Variants in GABBR1 observed in about 807,000 individuals in gnomAD.
GABBR1 encodes the protein GABA-B receptor, R1 subunit.
A neutral mutation model predicts 117.7 loss-of-function variants in GABBR1; 35 were observed. The ratio of observed to expected loss-of-function variants is 0.30; its 90% CI spans 0.23 to 0.39. The LOEUF (loss-of-function observed/expected upper bound fraction) is 0.39. Among genes scored for constraint, GABBR1 ranks in the 10% least tolerant of loss-of-function variants. GABBR1 has a pLI of 1.00. For synonymous variants in GABBR1, 442 were observed against 486.6 expected (o/e 0.91, Z 1.21); for missense variants, 709 against 1,241.8 (o/e 0.57, Z 6.45).
At position 29,632,753 on chromosome 6, in the gene GABBR1, C is replaced by T. The variant is rs1041971736; in HGVS notation, c.-1+97G>A. The T allele has an allele frequency of 3.0e-5, 36 of 1,193,332 alleles. No individual in the cohort carries two copies. The African/African-American group carries it at 5.4e-4, about 18-fold the overall frequency. 73.9% of individuals were successfully genotyped at this position (1,193,332 alleles called of 1,614,324 possible). On this transcript the variant is annotated intron_variant, in intron 1 of 22. Coordinates refer to ENST00000377034, the MANE Select transcript of GABBR1 (RefSeq NM_001470.4). The surrounding 1 kb of genome is among the most constrained non-coding windows in gnomAD (Gnocchi z 5.8). ...CGCGGTTCCTCCTCTCCCCCAGCCC[C>T]GCTTCCCCCAGCTGGGCCCTGCGCC...
Position 29,620,076 on chromosome 6 carries a change from G to A in GABBR1, c.1323+1025C>T, listed in dbSNP as rs1582994199. Reference sequence around the variant, plus strand: ...GGCTTCATGGTTTTCCATGGGAAGTGATGAGCAGAGCAGTTTGGAGCCAGA... The same window carrying A: ...GGCTTCATGGTTTTCCATGGGAAGTAATGAGCAGAGCAGTTTGGAGCCAGA... On this transcript the variant is annotated intron_variant, in intron 11 of 22. Transcript: ENST00000377034. This position sits in a 1 kb window ranked among gnomAD's most constrained non-coding sequence, Gnocchi z 4.5. Among the ~76,000 whole-genome samples the A allele has an allele frequency of 6.6e-6, 1 of 152,204 alleles. No homozygotes were observed. The highest frequency in any genetic ancestry group is 2.4e-5 in the African/African-American group (1 of 41,434).
In GABBR1 at chr6:29,611,834, T is replaced by A. The variant is rs868292280; in HGVS notation, c.1630+717A>T. 1.3e-5 allele frequency among the ~76,000 whole-genome samples: 2 copies of A among 150,696 alleles called. No individual in the cohort carries two copies. Among genetic ancestry groups the A allele is most frequent in the Non-Finnish European group, 3.0e-5 (2 of 67,614 alleles). ...ATTGAAGCTTTACACAGCAAGGAAA[T>A]TTGGCAGATTCCCTTAAAAAAAAAA... On this transcript the variant is annotated intron_variant, in intron 13 of 22. Transcript: ENST00000377034. This position sits in a 1 kb window ranked among gnomAD's most constrained non-coding sequence, Gnocchi z 4.6.
At position 29,611,093 on chromosome 6, in the gene GABBR1, G is replaced by T; in HGVS notation, c.1631-92C>A. ...TTCCCACTTCCCTAGAGCTTTGCAT[G>T]GTTGTATCTGATTTTATTTTCACCT... On this transcript the variant is annotated intron_variant, in intron 13 of 22. Transcript: ENST00000377034. The surrounding 1 kb of genome is among the most constrained non-coding windows in gnomAD (Gnocchi z 4.6). 1 of 978,248 alleles carries T rather than the reference G, an allele frequency of 1.0e-6. No homozygotes were observed. The highest frequency in any genetic ancestry group is 1.6e-6 in the Non-Finnish European group (1 of 624,468). 60.6% of individuals were successfully genotyped at this position (978,248 alleles called of 1,614,324 possible).
chr6:29,615,608 T>TAAA lies in GABBR1; in HGVS notation c.1324-2124_1324-2123insTTT, dbSNP rs767969781. Among the ~76,000 whole-genome samples the TAAA allele has an allele frequency of 5.6e-4, 71 of 127,034 alleles. 1 individual carries two copies. Among genetic ancestry groups the TAAA allele is most frequent in the Middle Eastern group, 4.9e-3 (1 of 204 alleles). 83.3% of individuals were successfully genotyped at this position (127,034 alleles called of 152,430 possible). ...TGGGCGATGGAGTGAGACTCTGCCT[T>TAAA]TAAAAAAAAAAAAAAAAAAAGGCAG... On this transcript the variant is annotated intron_variant, in intron 11 of 22. Coordinates refer to ENST00000377034, the MANE Select transcript of GABBR1 (RefSeq NM_001470.4).
rs1762483343 is a variant in GABBR1, at chr6:29,610,985, C to T, written c.1647G>A (p.Lys549=). 4.3e-6 allele frequency: 7 copies of T among 1,612,862 alleles called. No individual in the cohort carries two copies. The highest frequency in any genetic ancestry group is 1.3e-5 in the African/African-American group (1 of 74,930). Residue 549 remains lysine (K), a synonymous_variant, in exon 14 of 23, where the codon AAG becomes AAA. Coordinates refer to ENST00000377034, the MANE Select transcript of GABBR1 (RefSeq NM_001470.4). Reference sequence around the variant, plus strand: ...CCTTGGTGCTGTCATAGTAGCCAATCTTCTTGTAGCTGCCACCTGGGCAGA... The same window carrying T: ...CCTTGGTGCTGTCATAGTAGCCAATTTTCTTGTAGCTGCCACCTGGGCAGA... ...IEQLQGGSYK[K]IGYYDSTKDD...
At chr6:29,617,832 A>G (rs1216635040) in intron 11 of GABBR1, among the ~76,000 whole-genome samples, 2 of 152,204 alleles carry the variant, frequency 1.3e-5, no homozygotes, top group African/African-American at 4.8e-5. Flanking sequence ...TGATGATGAT[A>G]ATGATAACGA....
chr6:29,606,569 G>C lies in GABBR1; in HGVS notation c.2218-85C>G. 1.1e-6 allele frequency: 1 copy of C among 948,172 alleles called. No homozygotes were observed. The highest frequency in any genetic ancestry group is 2.4e-5 in the East Asian group (1 of 41,914). 58.7% of individuals were successfully genotyped at this position (948,172 alleles called of 1,614,324 possible). The stretch of plus-strand genomic sequence containing the variant: ...GCTTCTCAGTCTCTGGCTTCCAACT[G>C]TTTTCCTATGAGACCCTCAATGCTG... On this transcript the variant is annotated intron_variant, in intron 18 of 22. Transcript: ENST00000377034. The surrounding 1 kb of genome is among the most constrained non-coding windows in gnomAD (Gnocchi z 4.5).
Position 29,609,582 on chromosome 6 carries a change from A to C in GABBR1, c.1709-203T>G, listed in dbSNP as rs1762326139. Among the ~76,000 whole-genome samples the C allele has an allele frequency of 6.6e-6, 1 of 152,346 alleles. No homozygotes were observed. Among genetic ancestry groups the C allele is most frequent in the African/African-American group, 2.4e-5 (1 of 41,570 alleles). ...AGTGCCACTGGGGCCGTTAGGAAGC[A>C]ACCAGAAATGAGATGAGAAGATGGA... is the stretch of plus-strand genomic sequence containing the variant. On this transcript the variant is annotated intron_variant, in intron 14 of 22. Coordinates refer to ENST00000377034, the MANE Select transcript of GABBR1 (RefSeq NM_001470.4). The surrounding 1 kb of genome is among the most constrained non-coding windows in gnomAD (Gnocchi z 4.3).
At position 29,607,263 on chromosome 6, in the gene GABBR1, G is replaced by T; in HGVS notation, c.1993-45C>A. ...ACAGGCAGAACAGGGTAGAGTAGTA[G>T]CCGGGACTGCAGTAAGGATGGGCAG... On this transcript the variant is annotated intron_variant, in intron 16 of 22. Coordinates refer to ENST00000377034, the MANE Select transcript of GABBR1 (RefSeq NM_001470.4). This position sits in a 1 kb window ranked among gnomAD's most constrained non-coding sequence, Gnocchi z 5.0. 1 of 1,478,520 alleles carries T rather than the reference G, an allele frequency of 6.8e-7. No homozygotes were observed. 91.6% of individuals were successfully genotyped at this position (1,478,520 alleles called of 1,614,324 possible). A position where few individuals can be genotyped will look rare whatever the true frequency, so the allele number is the denominator to read the frequency against.
At position 29,602,579 on chromosome 6, in the gene GABBR1, T is replaced by A. The variant is rs1761476760; in HGVS notation, c.*964A>T. On this transcript the variant is annotated 3_prime_UTR_variant, in exon 23 of 23. Transcript: ENST00000377034. Reference sequence around the variant, plus strand: ...TTCTGTGACAAGGAGAGGGTGTGGATGGCCCCACCAAACATGAATTGGGGA... The same window carrying A: ...TTCTGTGACAAGGAGAGGGTGTGGAAGGCCCCACCAAACATGAATTGGGGA... 5.5e-6 allele frequency: 1 copy of A among 182,994 alleles called. No individual in the cohort carries two copies. 11.3% of individuals were successfully genotyped at this position (182,994 alleles called of 1,614,324 possible). A position where few individuals can be genotyped will look rare whatever the true frequency, so the allele number is the denominator to read the frequency against.
Position 29,631,479 on chromosome 6 carries a change from C to G in GABBR1, c.206G>C (p.Gly69Ala), listed in dbSNP as rs1336754838. 2 of 1,614,124 alleles carry G rather than the reference C, an allele frequency of 1.2e-6. No homozygotes were observed. Among genetic ancestry groups the G allele is most frequent in the African/African-American group, 2.7e-5 (2 of 74,932 alleles). ...VDYEIEYVCR[G>A]EREVVGPKVR... is the part of the protein sequence containing the mutation. ...CTTGGGCCCCACCACCTCGCGCTCC[C>G]CCCGGCACACATACTCAATCTCATA... is the stretch of plus-strand genomic sequence containing the variant. The change falls in exon 3 of 23, where the codon GGG becomes GCG. Residue 69 changes from glycine to alanine, a missense_variant. Coordinates refer to ENST00000377034, the MANE Select transcript of GABBR1 (RefSeq NM_001470.4). The surrounding 1 kb of genome is among the most constrained non-coding windows in gnomAD (Gnocchi z 5.9).
intron 11 of GABBR1, among the ~76,000 whole-genome samples, chr6:29,619,189 T>C (rs1180453116): frequency 6.6e-6 from 1 of 152,224 alleles, no homozygotes; most frequent in African/African-American, 2.4e-5. Flanking sequence ...CATAAGGCCA[T>C]CCTTAGGGAA....
In GABBR1 at chr6:29,607,363, C is replaced by T. The variant is rs1582954297; in HGVS notation, c.1993-145G>A. On this transcript the variant is annotated intron_variant, in intron 16 of 22. Transcript: ENST00000377034. The surrounding 1 kb of genome is among the most constrained non-coding windows in gnomAD (Gnocchi z 5.0). The stretch of plus-strand genomic sequence containing the variant: ...CACAGGGAGGATGCGAAAATGTGAG[C>T]AGGACGGGGAGCGGCAGGAGGAGAG... 3 of 671,326 alleles carry T rather than the reference C, an allele frequency of 4.5e-6. No homozygotes were observed. Among genetic ancestry groups the T allele is most frequent in the East Asian group, 5.4e-5 (2 of 37,376 alleles). The allele number at this position is 671,326 out of a possible 1,614,324, so 41.6% of individuals were successfully genotyped here.
In GABBR1 at chr6:29,609,445, A is replaced by G; in HGVS notation, c.1709-66T>C. 7.0e-7 allele frequency: 1 copy of G among 1,429,744 alleles called. No homozygotes were observed. The highest frequency in any genetic ancestry group is 9.8e-7 in the Non-Finnish European group (1 of 1,022,408). 88.6% of individuals were successfully genotyped at this position (1,429,744 alleles called of 1,614,324 possible). A position where few individuals can be genotyped will look rare whatever the true frequency, so the allele number is the denominator to read the frequency against. On this transcript the variant is annotated intron_variant, in intron 14 of 22. Coordinates refer to ENST00000377034, the MANE Select transcript of GABBR1 (RefSeq NM_001470.4). This position sits in a 1 kb window ranked among gnomAD's most constrained non-coding sequence, Gnocchi z 4.3. Reference sequence around the variant, plus strand: ...AGGGAAGGAGGACAAAGGAATGAAGACGGGATAGGAGAAAAGGGCAAAGAA... The same window carrying G: ...AGGGAAGGAGGACAAAGGAATGAAGGCGGGATAGGAGAAAAGGGCAAAGAA...
Position 29,605,658 on chromosome 6 carries a change from C to CCAG in GABBR1, c.2347_2349dup (p.Leu783dup). On this transcript the variant is annotated inframe_insertion, in exon 20 of 23. Transcript: ENST00000377034. The surrounding 1 kb of genome is among the most constrained non-coding windows in gnomAD (Gnocchi z 4.2). The stretch of plus-strand genomic sequence containing the variant: ...TTGGTCTCATAAGCAAGGAAGATTC[C>CCAG]CAGCAGCAGCAGCAGCCCCTTGTAA... The CCAG allele has an allele frequency of 6.2e-7, 1 of 1,612,990 alleles. No homozygotes were observed. Among genetic ancestry groups the CCAG allele is most frequent in the Non-Finnish European group, 8.5e-7 (1 of 1,179,948 alleles).
chr6:29,621,356 C>T lies in GABBR1; in HGVS notation c.1132-64G>A. ...ATTTGTTTGTTTTTGTCTTATCTCACTTGATACTATTTAGCCTCTTGGGAA... is the reference window on the plus strand; with the variant it reads ...ATTTGTTTGTTTTTGTCTTATCTCATTTGATACTATTTAGCCTCTTGGGAA... On this transcript the variant is annotated intron_variant, in intron 10 of 22. Coordinates refer to ENST00000377034, the MANE Select transcript of GABBR1 (RefSeq NM_001470.4). The surrounding 1 kb of genome is among the most constrained non-coding windows in gnomAD (Gnocchi z 5.0). 7.6e-7 allele frequency: 1 copy of T among 1,321,516 alleles called. No individual in the cohort carries two copies. The allele number at this position is 1,321,516 out of a possible 1,614,324, so 81.9% of individuals were successfully genotyped here.
At chr6:29,615,291 C>CA (rs28751301) in intron 11 of GABBR1, among the ~76,000 whole-genome samples, 1,108 of 86,656 alleles carry the variant, frequency 0.013, 9 homozygotes, top group South Asian at 0.024. Context: ...GACTCCGTCT[C>CA]AAAAAAAAAA....
Position 29,602,668 on chromosome 6 carries a change from A to G in GABBR1, c.*875T>C. 3.7e-6 allele frequency: 1 copy of G among 268,172 alleles called. No homozygotes were observed. The allele number at this position is 268,172 out of a possible 1,614,324, so 16.6% of individuals were successfully genotyped here. A position where few individuals can be genotyped will look rare whatever the true frequency, so the allele number is the denominator to read the frequency against. On this transcript the variant is annotated 3_prime_UTR_variant, in exon 23 of 23. Coordinates refer to ENST00000377034, the MANE Select transcript of GABBR1 (RefSeq NM_001470.4). ...TCTGTCAGAAGAATACCATGATTTA[A>G]GGGAAGAAAGTACACAAGGTACATG... is the stretch of plus-strand genomic sequence containing the variant.
Position 29,621,020 on chromosome 6 carries a change from C to T in GABBR1, c.1323+81G>A. The T allele has an allele frequency of 7.8e-7, 1 of 1,279,336 alleles. No individual in the cohort carries two copies. 79.2% of individuals were successfully genotyped at this position (1,279,336 alleles called of 1,614,324 possible). A position where few individuals can be genotyped will look rare whatever the true frequency, so the allele number is the denominator to read the frequency against. ...TTATATCCAAATTCCGCACCCTCTC[C>T]CTGCCACCCTTTCCCCTGCAAGGCC... On this transcript the variant is annotated intron_variant, in intron 11 of 22. Coordinates refer to ENST00000377034, the MANE Select transcript of GABBR1 (RefSeq NM_001470.4). This position sits in a 1 kb window ranked among gnomAD's most constrained non-coding sequence, Gnocchi z 5.0.
Sources: allele counts gnomAD v4.1 joint callset (sites outside exome capture counted in the v4.1 genomes callset), GRCh38; gene constraint gnomAD v4.1.1; non-coding constraint Gnocchi (gnomAD v3.1); transcripts MANE v1.5; gene names NCBI Gene and HGNC (gene_info 2026-07-23, HGNC 2026-07-21).